The following PDGFD variants were observed in gnomAD, a reference collection of about 807,000 sequenced individuals.
PDGFD encodes platelet derived growth factor D, also known as platelet-derived growth factor D.
In PDGFD, 30 loss-of-function variants were observed where a neutral mutation model predicts 44.7. That is an observed-to-expected ratio of 0.67 (90% CI 0.50 to 0.91). The LOEUF (loss-of-function observed/expected upper bound fraction) is 0.91. PDGFD is among the 40% of genes least tolerant of loss of function. The pLI is 0.00. For synonymous variants in PDGFD, 173 were observed against 168.4 expected (o/e 1.03, Z -0.21); for missense variants, 445 against 457.8 (o/e 0.97, Z 0.25).
intron 1 of PDGFD, among the ~76,000 whole-genome samples, chr11:104,076,006 A>G (rs1565327753): frequency 6.6e-6 from 1 of 152,216 alleles, no homozygotes; most frequent in Non-Finnish European, 1.5e-5. Flanking sequence ...CTGTCAAGGA[A>G]GAGACCAGGT....
chr11:104,043,352 G>T (rs917997107), intron 1 of PDGFD, among the ~76,000 whole-genome samples: 1 of 152,108 alleles, frequency 6.6e-6, no homozygotes, highest in South Asian at 2.1e-4. Flanking sequence ...CATATCTGAG[G>T]ATTTATCACC....
chr11:104,131,003 C>G (rs1861911560), intron 1 of PDGFD, among the ~76,000 whole-genome samples: 1 of 152,120 alleles, frequency 6.6e-6, no homozygotes, highest in South Asian at 2.1e-4. Context: ...ATTATAAGTG[C>G]TCTTTTGGAT....
chr11:103,961,368 A>G (rs1010137845), intron 3 of PDGFD, among the ~76,000 whole-genome samples: 1 of 152,216 alleles, frequency 6.6e-6, no homozygotes, highest in Non-Finnish European at 1.5e-5. Context: ...GCAAAGCCCC[A>G]TAGTTCTACA....
intron 1 of PDGFD, among the ~76,000 whole-genome samples, chr11:104,102,393 A>C (rs1173872140): frequency 6.6e-6 from 1 of 152,184 alleles, no homozygotes; most frequent in Non-Finnish European, 1.5e-5. Flanking sequence ...ATCTCACACC[A>C]GTTAGAATGG....
At chr11:104,014,645 T>G (rs1486177954) in intron 1 of PDGFD, among the ~76,000 whole-genome samples, 1 of 152,160 alleles carries the variant, frequency 6.6e-6, no homozygotes, top group African/African-American at 2.4e-5. Context: ...CTGAGAAAGA[T>G]GGGATTGTGT....
At chr11:104,136,959 T>A (rs1039640834) in intron 1 of PDGFD, among the ~76,000 whole-genome samples, 12 of 152,204 alleles carry the variant, frequency 7.9e-5, no homozygotes, top group Non-Finnish European at 1.5e-4. Flanking sequence ...ATGTAACTAG[T>A]CCAATGTCCT....
chr11:103,939,254 T>C (rs922316041), intron 5 of PDGFD, among the ~76,000 whole-genome samples: 3 of 152,216 alleles, frequency 2.0e-5, no homozygotes, highest in Admixed American at 6.5e-5. Flanking sequence ...GTAGTTCTCC[T>C]TGAAGAGGTC....
intron 3 of PDGFD, 37 bp downstream of exon 3, chr11:103,996,028 G>C: frequency 6.4e-7 from 1 of 1,552,926 alleles, no homozygotes; most frequent in South Asian, 1.2e-5. Flanking sequence ...CATGAAACCA[G>C]TGTCTGCTTT....
At chr11:103,910,947 A>T (rs4304742) in intron 6 of PDGFD, among the ~76,000 whole-genome samples, 1 of 151,742 alleles carries the variant, frequency 6.6e-6, no homozygotes, top group Non-Finnish European at 1.5e-5. Flanking sequence ...TTTACCCTCA[A>T]AGTGTAAACA....
chr11:103,994,519 T>A (rs1299855223), intron 3 of PDGFD, among the ~76,000 whole-genome samples: 1 of 152,242 alleles, frequency 6.6e-6, no homozygotes, highest in Non-Finnish European at 1.5e-5. Context: ...AATGTTCTGA[T>A]GTAGAATTCA....
intron 1 of PDGFD, among the ~76,000 whole-genome samples, chr11:104,155,100 C>G (rs181131664): frequency 6.6e-6 from 1 of 152,310 alleles, no homozygotes; most frequent in East Asian, 1.9e-4. Flanking sequence ...ACAAATCTAT[C>G]AGTTATCAGT....
At chr11:104,052,637 G>A (rs1399477330) in intron 1 of PDGFD, among the ~76,000 whole-genome samples, 1 of 151,996 alleles carries the variant, frequency 6.6e-6, no homozygotes, top group Non-Finnish European at 1.5e-5. Context: ...TCTCCAATTG[G>A]GGCTAATGTT....
At chr11:103,967,781 G>C (rs764305876) in intron 3 of PDGFD, among the ~76,000 whole-genome samples, 1 of 151,996 alleles carries the variant, frequency 6.6e-6, no homozygotes, top group Non-Finnish European at 1.5e-5. Context: ...TTCTCTTCTT[G>C]TTTGTCCCTT....
chr11:103,949,111 T>G (rs1858707623), intron 3 of PDGFD, among the ~76,000 whole-genome samples: 2 of 149,410 alleles, frequency 1.3e-5, no homozygotes, highest in Non-Finnish European at 3.0e-5. Flanking sequence ...CAAGCAATTC[T>G]CCTGCCTCAG....
At chr11:104,037,456 G>C (rs779858161) in intron 1 of PDGFD, 1 of 1,614,094 alleles carries the variant, frequency 6.2e-7, no homozygotes, top group Non-Finnish European at 8.5e-7. Flanking sequence ...GGAAGCTCAG[G>C]CCAAAATAGA....
At chr11:104,127,567 C>G (rs997614969) in intron 1 of PDGFD, among the ~76,000 whole-genome samples, 4 of 152,104 alleles carry the variant, frequency 2.6e-5, no homozygotes, top group African/African-American at 9.7e-5. Flanking sequence ...AAAGAATAGC[C>G]TTTACCATCA....
chr11:104,142,282 T>C (rs1862096553), intron 1 of PDGFD, among the ~76,000 whole-genome samples: 1 of 152,118 alleles, frequency 6.6e-6, no homozygotes, highest in Admixed American at 6.6e-5. Context: ...TTTATACATA[T>C]ACACACACAA....
chr11:103,983,588 G>T (rs930373399), intron 3 of PDGFD, among the ~76,000 whole-genome samples: 1 of 151,752 alleles, frequency 6.6e-6, no homozygotes, highest in Admixed American at 6.6e-5. Context: ...TAAAACTAAA[G>T]AGCTTCTGCA....
chr11:104,119,651 A>C (rs1234286688), intron 1 of PDGFD, among the ~76,000 whole-genome samples: 1 of 18,632 alleles, frequency 5.4e-5, no homozygotes, highest in Non-Finnish European at 1.3e-4. Flanking sequence ...ATATTAATAG[A>C]TATATATAAT....
Sources: allele counts gnomAD v4.1 joint callset (sites outside exome capture counted in the v4.1 genomes callset), GRCh38; gene constraint gnomAD v4.1.1; transcripts MANE v1.5; gene names NCBI Gene and HGNC (gene_info 2026-07-23, HGNC 2026-07-21).